NKIRAS1: variants seen among roughly 807,000 people sequenced by gnomAD.
NKIRAS1 encodes the protein NF-kappa-B inhibitor-interacting Ras-like protein 1.
Under a neutral mutation model 19.8 loss-of-function variants are expected in NKIRAS1, and 16 were observed. That is an observed-to-expected ratio of 0.81 (90% CI 0.55 to 1.23). The LOEUF (loss-of-function observed/expected upper bound fraction) is 1.23, where lower values mean the gene tolerates loss of function less well. Among genes scored for constraint, NKIRAS1 ranks in the 50% most tolerant of loss-of-function variants. NKIRAS1 has a pLI of 0.00. For synonymous variants in NKIRAS1, 88 were observed against 79.0 expected (o/e 1.11, Z -0.61); for missense variants, 184 against 220.0 (o/e 0.84, Z 1.04).
At chr3:23,945,466 G>A in intron 1 of NKIRAS1, 1 of 531,058 alleles carries the variant, frequency 1.9e-6, no homozygotes, top group Non-Finnish European at 2.5e-6. Context: ...CCATGAGGGG[G>A]CCCCGCGACC....
intron 3 of NKIRAS1, among the ~76,000 whole-genome samples, chr3:23,904,694 A>C (rs1274399269): frequency 6.6e-6 from 1 of 152,194 alleles, no homozygotes; most frequent in Non-Finnish European, 1.5e-5. Context: ...CAAGAATCAT[A>C]ATGGTTCCCA....
At chr3:23,917,614 A>G, upstream of NKIRAS1, 1 of 454,280 alleles carries the variant, frequency 2.2e-6, no homozygotes. Context: ...TGGTTCTGTT[A>G]ATTCGCCCCA....
intron 4 of NKIRAS1, among the ~76,000 whole-genome samples, chr3:23,899,940 G>T (rs1029070083): frequency 6.6e-6 from 1 of 151,606 alleles, no homozygotes. Flanking sequence ...GAAGCAGGCG[G>T]ATCACAAAGT....
intron 1 of NKIRAS1, among the ~76,000 whole-genome samples, chr3:23,939,512 G>T (rs1705454878): frequency 6.6e-6 from 1 of 152,238 alleles, no homozygotes; most frequent in Non-Finnish European, 1.5e-5. Context: ...GGGAGGCCAA[G>T]TTGGGCGGAT....
rs1249640569 is a variant in NKIRAS1 at position 23,892,960 on chromosome 3, T to C, written c.*135A>G. The C allele has an allele frequency of 9.6e-6, 8 of 830,844 alleles. No homozygotes were observed. Among genetic ancestry groups the C allele is most frequent in the Non-Finnish European group, 1.2e-5 (7 of 568,552 alleles). The allele number at this position is 830,844 out of a possible 1,614,324, so 51.5% of individuals were successfully genotyped here. ...ACTTTTAACATCTAAAGTGCATTAA[T>C]TGACTTCCTTAGGAATTTTCCTAAG... On this transcript the variant is annotated 3_prime_UTR_variant, in exon 5 of 5. Transcript: ENST00000425478.
chr3:23,896,333 G>A (rs576923447), intron 4 of NKIRAS1, among the ~76,000 whole-genome samples: 4 of 147,902 alleles, frequency 2.7e-5, no homozygotes, highest in South Asian at 2.2e-4. Context: ...TAAAACAAAC[G>A]GCCGGGCATG....
intron 4 of NKIRAS1, among the ~76,000 whole-genome samples, chr3:23,898,044 G>C (rs1415017662): frequency 2.0e-5 from 3 of 152,162 alleles, no homozygotes; most frequent in African/African-American, 7.2e-5. Flanking sequence ...GCAAAGCCAA[G>C]ATTTAAGTAT....
In NKIRAS1 at chr3:23,892,976, T is replaced by A; in HGVS notation, c.*119A>T. On this transcript the variant is annotated 3_prime_UTR_variant, in exon 5 of 5. Coordinates refer to ENST00000425478, the MANE Select transcript of NKIRAS1 (RefSeq NM_020345.4). Reference sequence around the variant, plus strand: ...GTGCATTAATTGACTTCCTTAGGAATTTTCCTAAGGACCAAAGGTAGATAC... The same window carrying A: ...GTGCATTAATTGACTTCCTTAGGAAATTTCCTAAGGACCAAAGGTAGATAC... 1.1e-5 allele frequency: 12 copies of A among 1,071,082 alleles called. No homozygotes were observed. The highest frequency in any genetic ancestry group is 1.5e-5 in the Non-Finnish European group (12 of 783,372). 66.3% of individuals were successfully genotyped at this position (1,071,082 alleles called of 1,614,324 possible). A position where few individuals can be genotyped will look rare whatever the true frequency, so the allele number is the denominator to read the frequency against.
chr3:23,944,223 A>G (rs1705567020), intron 1 of NKIRAS1, among the ~76,000 whole-genome samples: 1 of 152,224 alleles, frequency 6.6e-6, no homozygotes, highest in Admixed American at 6.5e-5. Flanking sequence ...CAGATTTACC[A>G]AAACAGTAAA....
At chr3:23,920,667 T>C (rs1373013205), upstream of NKIRAS1, 2 of 985,124 alleles carry the variant, frequency 2.0e-6, no homozygotes, top group African/African-American at 3.5e-5. Context: ...TTTTCTCCTA[T>C]CTTCTCTAGG....
chr3:23,946,032 CGCGCGCGCGCGCGCTGGCTGGGA>C (rs1705683862), intron 1 of NKIRAS1: 2 of 667,562 alleles, frequency 3.0e-6, no homozygotes, highest in African/African-American at 2.0e-5. Flanking sequence ...GGGGCGGGGG[CGCGCGCGCGCGCGCTGGCTGGGA>C]GCGCCGCAGC....
chr3:23,906,101 G>A (rs1290642643), intron 3 of NKIRAS1, among the ~76,000 whole-genome samples: 1 of 147,148 alleles, frequency 6.8e-6, no homozygotes, highest in African/African-American at 2.5e-5. Flanking sequence ...GGAGGTTGCA[G>A]TGAGCCGAGA....
intron 3 of NKIRAS1, among the ~76,000 whole-genome samples, chr3:23,909,681 T>C (rs1703448275): frequency 6.6e-6 from 1 of 152,220 alleles, no homozygotes; most frequent in Admixed American, 6.5e-5. Context: ...TTCACCTCTG[T>C]AACCCAAGGC....
At chr3:23,921,583 T>A, upstream of NKIRAS1, 1 of 678,626 alleles carries the variant, frequency 1.5e-6, no homozygotes, top group Non-Finnish European at 2.7e-6. Context: ...TTTTTTTTTT[T>A]TTTTTTTTTT....
At position 23,910,929 on chromosome 3, in the gene NKIRAS1, G is replaced by T. The variant is rs1405161051; in HGVS notation, c.-17-8C>A. 2 of 1,577,434 alleles carry T rather than the reference G, an allele frequency of 1.3e-6. No individual in the cohort carries two copies. Among genetic ancestry groups the T allele is most frequent in the Admixed American group, 3.3e-5 (2 of 59,876 alleles). On this transcript the variant is annotated splice_polypyrimidine_tract_variant and splice_region_variant and intron_variant, in intron 2 of 4. Transcript: ENST00000425478. Reference sequence around the variant, plus strand: ...TCTTCTCTCAGGATATCACTGTGGAGAGAATAACAGGTCTTTTAAATTGTA... The same window carrying T: ...TCTTCTCTCAGGATATCACTGTGGATAGAATAACAGGTCTTTTAAATTGTA...
intron 4 of NKIRAS1, among the ~76,000 whole-genome samples, chr3:23,896,134 CAAAAAAAAA>C (rs71057634): frequency 4.1e-5 from 2 of 49,184 alleles, no homozygotes; most frequent in Non-Finnish European, 7.1e-5. Flanking sequence ...GACTCCATCT[CAAAAAAAAA>C]AAAAAAAAAA....
At chr3:23,933,090 C>G (rs1478116494) in intron 1 of NKIRAS1, among the ~76,000 whole-genome samples, 7 of 152,118 alleles carry the variant, frequency 4.6e-5, no homozygotes, top group Non-Finnish European at 7.3e-5. Context: ...AGCCAGAGAT[C>G]GATGGCTTGA....
chr3:23,912,348 AAAAC>A (rs1245201846), intron 1 of NKIRAS1, among the ~76,000 whole-genome samples: 37 of 152,322 alleles, frequency 2.4e-4, no homozygotes, highest in Non-Finnish European at 4.6e-4. Flanking sequence ...TTATAAGAAA[AAAAC>A]AAACAACCCC....
intron 1 of NKIRAS1, among the ~76,000 whole-genome samples, chr3:23,936,208 GGAA>G (rs1257966455): frequency 6.6e-6 from 1 of 151,934 alleles, no homozygotes; most frequent in Admixed American, 6.6e-5. Flanking sequence ...ATCCAGGCAT[GGAA>G]GAAGATCTGG....
Sources: allele counts gnomAD v4.1 joint callset (sites outside exome capture counted in the v4.1 genomes callset), GRCh38; gene constraint gnomAD v4.1.1; transcripts MANE v1.5; gene names NCBI Gene and HGNC (gene_info 2026-07-23, HGNC 2026-07-21).